The following CHD6 variants were observed in gnomAD, a reference collection of about 807,000 sequenced individuals.
CHD6 encodes chromodomain helicase DNA binding protein 6.
Under a neutral mutation model 276.9 loss-of-function variants are expected in CHD6, and 50 were observed. The ratio of observed to expected loss-of-function variants is 0.18; its 90% confidence interval spans 0.14 to 0.23. The LOEUF (loss-of-function observed/expected upper bound fraction) is 0.23, where lower values mean the gene tolerates loss of function less well. Among genes scored for constraint, CHD6 ranks in the 10% least tolerant of loss-of-function variants. The pLI is 1.00. For synonymous variants in CHD6, 1,173 were observed against 1,229.3 expected (o/e 0.95, Z 0.96); for missense variants, 2,564 against 3,365.8 (o/e 0.76, Z 5.89).
At chr20:41,515,125 T>C (rs1218640570) in intron 3 of CHD6, among the ~76,000 whole-genome samples, 173 bp from the exon 4 acceptor site, 1 of 152,154 alleles carries the variant, frequency 6.6e-6, no homozygotes, top group Non-Finnish European at 1.5e-5. Flanking sequence ...AATATCTACA[T>C]GGATCAATGC....
At position 41,473,633 on chromosome 20, in the gene CHD6, G is replaced by A; in HGVS notation, c.2469-116C>T. On this transcript the variant is annotated intron_variant, in intron 16 of 36. Coordinates refer to ENST00000373233, the MANE Select transcript of CHD6 (RefSeq NM_032221.5). This position sits in a 1 kb window ranked among gnomAD's most constrained non-coding sequence, Gnocchi z 4.1. Reference sequence around the variant, plus strand: ...CTTAAATCCCTCACTTCTAAATTTGGACCAAATGACAGCAGTCTAGAAGGA... The same window carrying A: ...CTTAAATCCCTCACTTCTAAATTTGAACCAAATGACAGCAGTCTAGAAGGA... 1 of 789,550 alleles carries A rather than the reference G, an allele frequency of 1.3e-6. No individual in the cohort carries two copies. Among genetic ancestry groups the A allele is most frequent in the Non-Finnish European group, 2.0e-6 (1 of 488,260 alleles). The allele number at this position is 789,550 out of a possible 1,614,324, so 48.9% of individuals were successfully genotyped here.
At chr20:41,563,572 C>G (rs769046708) in intron 1 of CHD6, among the ~76,000 whole-genome samples, 36 of 152,130 alleles carry the variant, frequency 2.4e-4, no homozygotes, top group Non-Finnish European at 5.0e-4. Flanking sequence ...AATACCAACT[C>G]CAGTTCATCT....
chr20:41,509,653 G>A (rs1286834651), intron 5 of CHD6, among the ~76,000 whole-genome samples: 2 of 152,108 alleles, frequency 1.3e-5, no homozygotes, highest in Non-Finnish European at 2.9e-5. Flanking sequence ...TGTTCCAAAA[G>A]GCAAAATCAC....
chr20:41,420,007 G>A (rs1250667257), intron 31 of CHD6, among the ~76,000 whole-genome samples: 13 of 152,190 alleles, frequency 8.5e-5, no homozygotes, highest in African/African-American at 3.1e-4. Flanking sequence ...TAAATCAAAT[G>A]CACTGACCTT....
rs536423753 is a variant in CHD6, at chr20:41,535,579, C to A, written c.34-2009G>T. ...ACTTGGTTAGAAATGTTAAATGCAG[C>A]CAGGCATGGTGGTTCACACCTGTAA... is the stretch of plus-strand genomic sequence containing the variant. On this transcript the variant is annotated intron_variant, in intron 2 of 36. Coordinates refer to ENST00000373233, the MANE Select transcript of CHD6 (RefSeq NM_032221.5). Among the ~76,000 whole-genome samples the A allele has an allele frequency of 3.3e-5, 5 of 152,184 alleles. No homozygotes were observed. The East Asian group carries it at 9.6e-4, about 29-fold the overall frequency.
intron 1 of CHD6, among the ~76,000 whole-genome samples, chr20:41,555,819 G>A (rs1197736424): frequency 2.0e-5 from 3 of 152,152 alleles, no homozygotes; most frequent in Non-Finnish European, 1.5e-5. Context: ...GGGCGGCCAG[G>A]CAGAGACGCT....
Position 41,403,781 on chromosome 20 carries a change from A to G in CHD6, c.*812T>C, listed in dbSNP as rs3827038. 136,086 of 1,058,152 alleles carry G rather than the reference A, an allele frequency of 0.13. 9,332 individuals carry two copies. Among genetic ancestry groups the G allele is most frequent in the East Asian group, 0.27 (5,142 of 19,194 alleles). 65.5% of individuals were successfully genotyped at this position (1,058,152 alleles called of 1,614,324 possible). Reference sequence around the variant, plus strand: ...GCGAACCAGGTGAGAGCAGAGCGCTAGCCGTGTGCTTGTGAAGCAGCGTGT... The same window carrying G: ...GCGAACCAGGTGAGAGCAGAGCGCTGGCCGTGTGCTTGTGAAGCAGCGTGT... On this transcript the variant is annotated 3_prime_UTR_variant, in exon 37 of 37. Transcript: ENST00000373233.
chr20:41,540,947 G>C (rs944775448), intron 2 of CHD6, among the ~76,000 whole-genome samples: 1 of 151,168 alleles, frequency 6.6e-6, no homozygotes, highest in Non-Finnish European at 1.5e-5. Flanking sequence ...ATTAAAATTA[G>C]GATTGTTTTA....
At chr20:41,605,075 T>C (rs983934605) in intron 1 of CHD6, among the ~76,000 whole-genome samples, 11 of 152,182 alleles carry the variant, frequency 7.2e-5, no homozygotes, top group Non-Finnish European at 1.2e-4. Context: ...AGGATAAATA[T>C]GTAAAGTATT....
rs563129885 is a variant in CHD6, at chr20:41,507,155, C to G, written c.852+5691G>C. 3.3e-5 allele frequency among the ~76,000 whole-genome samples: 5 copies of G among 152,334 alleles called. No homozygotes were observed. In the East Asian group the frequency reaches 7.7e-4, roughly 23 times the overall value. The stretch of plus-strand genomic sequence containing the variant: ...CAAAGTTCTCTTCTTTACTACTAGA[C>G]TGCTTCAAATATTTTCTTATTTTTA... On this transcript the variant is annotated intron_variant, in intron 5 of 36. Coordinates refer to ENST00000373233, the MANE Select transcript of CHD6 (RefSeq NM_032221.5).
At chr20:41,585,625 T>C (rs1488576144) in intron 1 of CHD6, among the ~76,000 whole-genome samples, 1 of 152,086 alleles carries the variant, frequency 6.6e-6, no homozygotes. Flanking sequence ...CGCAGATGAC[T>C]TCGCTGGTGA....
At chr20:41,586,275 G>A (rs1425876127) in intron 1 of CHD6, among the ~76,000 whole-genome samples, 3 of 152,304 alleles carry the variant, frequency 2.0e-5, no homozygotes, top group East Asian at 1.9e-4. Context: ...CACAAGACCC[G>A]CCGTTGACTT....
In CHD6 at chr20:41,533,225, G is replaced by C. The variant is rs1472204087; in HGVS notation, c.379C>G (p.Pro127Ala). 2.5e-6 allele frequency: 4 copies of C among 1,613,634 alleles called. No individual in the cohort carries two copies. The South Asian group carries it at 4.4e-5, about 18-fold the overall frequency. ...KPKRKREPKE[P>A]KEPRKAKEPK... ...TCCTTGGCCTTTCTGGGTTCCTTTG[G>C]CTCTTTCGGTTCTCGTTTCCTCTTT... The change falls in exon 3 of 37, where the codon CCA (proline) becomes GCA (alanine). Residue 127 changes from proline to alanine, a missense_variant. By Grantham distance (27) the Pro-to-Ala change is conservative (BLOSUM62 -1). Coordinates refer to ENST00000373233, the MANE Select transcript of CHD6 (RefSeq NM_032221.5).
Position 41,452,682 on chromosome 20 carries a change from GAAAA to G in CHD6, c.3323+54_3323+57del, listed in dbSNP as rs1237975021. On this transcript the variant is annotated intron_variant, in intron 21 of 36. Transcript: ENST00000373233. This position sits in a 1 kb window ranked among gnomAD's most constrained non-coding sequence, Gnocchi z 4.2. ...ACATCCTAGACAAATCTCAGGGACTGAAAAACAGAGGGGAACAAACAACAATAAC... is the reference window on the plus strand; with the variant it reads ...ACATCCTAGACAAATCTCAGGGACTGACAGAGGGGAACAAACAACAATAAC... 3 of 1,504,300 alleles carry G rather than the reference GAAAA, an allele frequency of 2.0e-6. No individual in the cohort carries two copies. The highest frequency in any genetic ancestry group is 1.4e-5 in the African/African-American group (1 of 72,062). The allele number at this position is 1,504,300 out of a possible 1,614,324, so 93.2% of individuals were successfully genotyped here. A position where few individuals can be genotyped will look rare whatever the true frequency, so the allele number is the denominator to read the frequency against.
intron 26 of CHD6, among the ~76,000 whole-genome samples, chr20:41,438,746 AC>A (rs1306591678): frequency 2.6e-5 from 4 of 152,216 alleles, no homozygotes; most frequent in African/African-American, 9.6e-5. Context: ...CCTTTATGCC[AC>A]ATTCAGGCGC....
At position 41,404,928 on chromosome 20, in the gene CHD6, T is replaced by A. The variant is rs1267741236; in HGVS notation, c.7813A>T (p.Ser2605Cys). The A allele has an allele frequency of 6.2e-7, 1 of 1,614,078 alleles. No homozygotes were observed. Residue 2605 changes from serine to cysteine, a missense_variant, in exon 37 of 37, where the codon AGT (serine) becomes TGT (cysteine). Physicochemically the swap from Ser to Cys is moderately radical, Grantham distance 112. Coordinates refer to ENST00000373233, the MANE Select transcript of CHD6 (RefSeq NM_032221.5). The part of the protein sequence containing the change: ...DQSEPAITTS[S>C]PVAFNPFLIP... The stretch of plus-strand genomic sequence containing the variant: ...AGAAATGGGTTAAAAGCCACAGGAC[T>A]ACTAGTAGTTATTGCAGGTTCAGAC...
intron 1 of CHD6, among the ~76,000 whole-genome samples, chr20:41,568,629 C>G (rs2146202763): frequency 6.6e-6 from 1 of 152,312 alleles, no homozygotes; most frequent in East Asian, 1.9e-4. Context: ...CCTCCTATAA[C>G]TCTGCTGTAT....
chr20:41,407,653 G>A (rs1433118662), intron 36 of CHD6, among the ~76,000 whole-genome samples: 7 of 152,208 alleles, frequency 4.6e-5, no homozygotes, highest in Admixed American at 4.6e-4. Context: ...CTTAGCTGGT[G>A]GTACTGGTTT....
chr20:41,557,789 A>G (rs1972434322), intron 1 of CHD6, among the ~76,000 whole-genome samples: 1 of 151,784 alleles, frequency 6.6e-6, no homozygotes, highest in Admixed American at 6.6e-5. Context: ...ATCCCCCACC[A>G]CTCTATCAGG....
Sources: allele counts gnomAD v4.1 joint callset (sites outside exome capture counted in the v4.1 genomes callset), GRCh38; gene constraint gnomAD v4.1.1; non-coding constraint Gnocchi (gnomAD v3.1); transcripts MANE v1.5; gene names NCBI Gene and HGNC (gene_info 2026-07-23, HGNC 2026-07-21).